Variants in CNKSR3 observed in about 807,000 individuals in gnomAD.
The protein encoded by CNKSR3 is connector enhancer of kinase suppressor of ras 3.
A neutral mutation model predicts 67.7 loss-of-function variants in CNKSR3; 36 were observed. That is an observed-to-expected ratio of 0.53 (90% CI 0.41 to 0.70). The LOEUF (loss-of-function observed/expected upper bound fraction) is 0.70, where lower values mean the gene tolerates loss of function less well. Ranked by LOEUF, CNKSR3 falls within the 30% of genes least tolerant of loss-of-function variation. The pLI is 0.00. For synonymous variants in CNKSR3, 281 were observed against 271.4 expected, an observed-to-expected ratio of 1.04 and a Z score of -0.35; for missense variants, 630 against 695.2, an observed-to-expected ratio of 0.91 and a Z score of 1.05.
At position 154,406,500 on chromosome 6, in the gene CNKSR3, T is replaced by G. The variant is rs1784792320; in HGVS notation, c.1522A>C (p.Asn508His). The stretch of plus-strand genomic sequence containing the variant: ...GTGGCGCTGCTGTGGAGATCTGAGT[T>G]GATGTAGCACCTGCTTCCTCGGATG... ...DYIRGSRCYINSDLHSSATIP... is the reference protein window; with the variant it reads ...DYIRGSRCYIHSDLHSSATIP... Residue 508 changes from asparagine to histidine, a missense_variant, in exon 13 of 13, where the codon AAC becomes CAC. Physicochemically the swap from Asn to His is moderately conservative, Grantham distance 68. Transcript: ENST00000607772. 5 of 1,613,898 alleles carry G rather than the reference T, an allele frequency of 3.1e-6. No homozygotes were observed. The highest frequency in any genetic ancestry group is 4.2e-6 in the Non-Finnish European group (5 of 1,179,986).
intron 7 of CNKSR3, among the ~76,000 whole-genome samples, chr6:154,426,021 T>A (rs1162897021): frequency 1.3e-5 from 2 of 152,240 alleles, no homozygotes; most frequent in African/African-American, 2.4e-5. Flanking sequence ...CATGCTTGTC[T>A]AGAAGACTTA....
chr6:154,510,249 G>T lies in CNKSR3; in HGVS notation c.-135C>A. ...CCGAGCGACTCCGTCAAGACTGCATGGCCGCGGTCAGCCAGTCGTCCCAGC... is the reference window on the plus strand; with the variant it reads ...CCGAGCGACTCCGTCAAGACTGCATTGCCGCGGTCAGCCAGTCGTCCCAGC... On this transcript the variant is annotated 5_prime_UTR_variant, in exon 1 of 13. Coordinates refer to ENST00000607772, the MANE Select transcript of CNKSR3 (RefSeq NM_173515.4). 4 of 968,238 alleles carry T rather than the reference G, an allele frequency of 4.1e-6. No homozygotes were observed. The highest frequency in any genetic ancestry group is 1.5e-5 in the South Asian group (1 of 68,172). 60.0% of individuals were successfully genotyped at this position (968,238 alleles called of 1,614,324 possible).
chr6:154,451,955 G>A (rs1252471647), intron 1 of CNKSR3, among the ~76,000 whole-genome samples: 1 of 152,136 alleles, frequency 6.6e-6, no homozygotes, highest in Non-Finnish European at 1.5e-5. Context: ...TTCGTGGCAC[G>A]CGAGTCAGGC....
Position 154,390,230 on chromosome 6 carries a change from G to A in CNKSR3, c.*16124C>T, listed in dbSNP as rs557473287. 1 of 152,344 alleles carries A rather than the reference G, an allele frequency of 6.6e-6. No homozygotes were observed. The highest frequency in any genetic ancestry group is 1.9e-4 in the East Asian group (1 of 5,188). 9.4% of individuals were successfully genotyped at this position (152,344 alleles called of 1,614,324 possible). A position where few individuals can be genotyped will look rare whatever the true frequency, so the allele number is the denominator to read the frequency against. ...ATTTGCCTTGCCTTAGCCCCAGCCT[G>A]TGCCTGACCAACTCACCTAGGCTAC... On this transcript the variant is annotated 3_prime_UTR_variant, in exon 13 of 13. Coordinates refer to ENST00000607772, the MANE Select transcript of CNKSR3 (RefSeq NM_173515.4).
chr6:154,454,530 A>C (rs1024927040), intron 1 of CNKSR3, among the ~76,000 whole-genome samples: 2 of 152,096 alleles, frequency 1.3e-5, no homozygotes, highest in Non-Finnish European at 2.9e-5. Flanking sequence ...CTATTAACAG[A>C]AAAAATTTGT....
rs1273736191 is a variant in CNKSR3, at chr6:154,399,283, C to T, written c.*7071G>A. 1.3e-5 allele frequency: 2 copies of T among 152,206 alleles called. No homozygotes were observed. The allele number at this position is 152,206 out of a possible 1,614,324, so 9.4% of individuals were successfully genotyped here. ...ATGAGCAATTTCCTGTTGGCCAGCT[C>T]TGAATACCTTATTCACTAGAGGCTG... On this transcript the variant is annotated 3_prime_UTR_variant, in exon 13 of 13. Transcript: ENST00000607772.
At chr6:154,481,330 TTTTA>T (rs1250929082) in intron 1 of CNKSR3, among the ~76,000 whole-genome samples, 1 of 151,944 alleles carries the variant, frequency 6.6e-6, no homozygotes, top group Non-Finnish European at 1.5e-5. Context: ...TTGATATTTA[TTTTA>T]TTTGATAGCA....
At chr6:154,467,655 T>C (rs1048122600) in intron 1 of CNKSR3, among the ~76,000 whole-genome samples, 37 of 152,206 alleles carry the variant, frequency 2.4e-4, no homozygotes, top group African/African-American at 8.9e-4. Context: ...AAAATAAGTA[T>C]TTAATTTCAA....
chr6:154,443,473 T>C (rs944940544), intron 2 of CNKSR3, among the ~76,000 whole-genome samples: 1 of 150,922 alleles, frequency 6.6e-6, no homozygotes, highest in Non-Finnish European at 1.5e-5. Flanking sequence ...TTCGATTCAC[T>C]CTCTAGCCCA....
chr6:154,436,025 C>G (rs1785465317), intron 4 of CNKSR3, among the ~76,000 whole-genome samples: 2 of 152,266 alleles, frequency 1.3e-5, no homozygotes, highest in African/African-American at 4.8e-5. Flanking sequence ...TGGCACGCGT[C>G]AAGCGTGGAT....
chr6:154,435,872 A>T (rs1162909465), intron 4 of CNKSR3, among the ~76,000 whole-genome samples: 1 of 152,180 alleles, frequency 6.6e-6, no homozygotes, highest in Non-Finnish European at 1.5e-5. Flanking sequence ...TTCTTTCTAA[A>T]ATGGGGTGAT....
chr6:154,453,906 TA>T (rs1785891960), intron 1 of CNKSR3, among the ~76,000 whole-genome samples: 1 of 152,066 alleles, frequency 6.6e-6, no homozygotes, highest in Admixed American at 6.5e-5. Flanking sequence ...CACAATTCAG[TA>T]AAATTAGATT....
At position 154,410,442 on chromosome 6, in the gene CNKSR3, G is replaced by A. The variant is rs772775895; in HGVS notation, c.1280-10C>T. On this transcript the variant is annotated splice_polypyrimidine_tract_variant and intron_variant, in intron 11 of 12. Transcript: ENST00000607772. ...AAAGGCCGTGGCTTGCCTTCAGAGG[G>A]ACGAGAAAGAAGGTGACAAGTTTGA... The A allele has an allele frequency of 1.9e-6, 3 of 1,603,334 alleles. No individual in the cohort carries two copies. The highest frequency in any genetic ancestry group is 1.7e-6 in the Non-Finnish European group (2 of 1,170,356).
intron 3 of CNKSR3, 61 bp from the exon 4 acceptor site, chr6:154,441,440 G>T: frequency 8.0e-7 from 1 of 1,253,500 alleles, no homozygotes; most frequent in Non-Finnish European, 1.2e-6. Flanking sequence ...GATCCCACTG[G>T]ATGTTGGTAA....
At chr6:154,442,313 G>A in intron 2 of CNKSR3, 23 bp from the exon 3 acceptor site, 1 of 1,602,864 alleles carries the variant, frequency 6.2e-7, no homozygotes, top group Non-Finnish European at 8.5e-7. Flanking sequence ...AAATCAAAGA[G>A]AAAAATTCAA....
At chr6:154,442,464 C>G (rs911913835) in intron 2 of CNKSR3, among the ~76,000 whole-genome samples, 174 bp from the exon 3 acceptor site, 1 of 151,928 alleles carries the variant, frequency 6.6e-6, no homozygotes, top group Non-Finnish European at 1.5e-5. Flanking sequence ...CTACTAAAAA[C>G]ACAAAAAATT....
chr6:154,410,904 G>A (rs373776669), intron 11 of CNKSR3, 30 bp downstream of exon 11: 21 of 1,571,190 alleles, frequency 1.3e-5, no homozygotes, highest in South Asian at 3.5e-5. Flanking sequence ...CAAGGCCAAC[G>A]GCAGAACAAA....
intron 1 of CNKSR3, among the ~76,000 whole-genome samples, chr6:154,494,031 A>AT (rs1353409340): frequency 1.1e-4 from 17 of 152,188 alleles, no homozygotes; most frequent in Non-Finnish European, 5.9e-5. Context: ...AATAAGAAAG[A>AT]TAAGTGGCAT....
At chr6:154,464,360 T>C (rs969298874) in intron 1 of CNKSR3, among the ~76,000 whole-genome samples, 1 of 152,092 alleles carries the variant, frequency 6.6e-6, no homozygotes, top group Non-Finnish European at 1.5e-5. Context: ...AAAATTCTAC[T>C]CTCGGAAACA....
Sources: allele counts gnomAD v4.1 joint callset (sites outside exome capture counted in the v4.1 genomes callset), GRCh38; gene constraint gnomAD v4.1.1; transcripts MANE v1.5; gene names NCBI Gene and HGNC (gene_info 2026-07-23, HGNC 2026-07-21).